Variants in TNRC6B observed in about 807,000 individuals in gnomAD.
TNRC6B encodes the protein trinucleotide repeat-containing gene 6B protein.
Under a neutral mutation model 203.6 loss-of-function variants are expected in TNRC6B, and 52 were observed. That is an observed-to-expected ratio of 0.26 (90% CI 0.20 to 0.32). The LOEUF is 0.32. Ranked by LOEUF, TNRC6B falls within the 10% of genes least tolerant of loss-of-function variation. The pLI, the probability that TNRC6B is intolerant of heterozygous loss-of-function variation, is 1.00. For missense variants in TNRC6B, 1,923 were observed against 2,286.2 expected (o/e 0.84, Z 3.24); for synonymous variants, 838 against 845.7 (o/e 0.99, Z 0.16).
At chr22:40,262,801 A>G (rs1173589282) in intron 4 of TNRC6B, among the ~76,000 whole-genome samples, 2 of 152,098 alleles carry the variant, frequency 1.3e-5, no homozygotes, top group Non-Finnish European at 2.9e-5. Context: ...GCACTTTGGG[A>G]GGCCGAGGCG....
rs375297205 is a variant in TNRC6B at position 40,275,106 on chromosome 22, T to C, written c.3141+1506T>C. 3.3e-3 allele frequency among the ~76,000 whole-genome samples: 499 copies of C among 151,526 alleles called. 8 individuals are homozygous for C. The highest frequency in any genetic ancestry group is 0.026 in the South Asian group (127 of 4,820). On this transcript the variant is annotated intron_variant, in intron 7 of 22. Coordinates refer to ENST00000454349, the MANE Select transcript of TNRC6B (RefSeq NM_001162501.2). ...ATAGGACACTAATTTTGTAGATGAC[T>C]CTTTCTTTTATAGCATAAGAATACA...
intron 1 of TNRC6B, among the ~76,000 whole-genome samples, chr22:40,230,668 T>C (rs1601904319): frequency 1.3e-5 from 2 of 152,188 alleles, no homozygotes; most frequent in African/African-American, 4.8e-5. Context: ...GATTTGCAGA[T>C]AACTTTTTCT....
At chr22:40,129,458 G>A (rs950001478) in intron 3 of TNRC6B, among the ~76,000 whole-genome samples, 3 of 152,162 alleles carry the variant, frequency 2.0e-5, no homozygotes, top group African/African-American at 7.2e-5. Context: ...TGGAAGTGGA[G>A]GAAAGACAGA....
intron 3 of TNRC6B, among the ~76,000 whole-genome samples, chr22:40,154,167 AAATAT>A (rs539652855): frequency 2.1e-3 from 312 of 152,098 alleles, no homozygotes; most frequent in African/African-American, 6.1e-3. Flanking sequence ...TTATATCTTT[AAATAT>A]AAAAGCATGG....
chr22:40,257,987 C>G (rs1344046641), intron 3 of TNRC6B, among the ~76,000 whole-genome samples: 5 of 150,532 alleles, frequency 3.3e-5, no homozygotes, highest in Non-Finnish European at 5.9e-5. Context: ...CCACTCTAGC[C>G]TGGGCAACAG....
chr22:40,095,575 C>T (rs376814158), intron 1 of TNRC6B, among the ~76,000 whole-genome samples: 36 of 151,726 alleles, frequency 2.4e-4, no homozygotes, highest in East Asian at 1.5e-3. Flanking sequence ...GCCATGATTA[C>T]GATGTAACCA....
intron 12 of TNRC6B, among the ~76,000 whole-genome samples, chr22:40,296,714 G>A (rs1192770324): frequency 2.7e-5 from 4 of 150,290 alleles, no homozygotes; most frequent in African/African-American, 9.8e-5. Flanking sequence ...TGCAACCTCC[G>A]CCACCTGGGT....
intron 1 of TNRC6B, among the ~76,000 whole-genome samples, chr22:40,180,994 A>T (rs2069122618): frequency 6.6e-6 from 1 of 152,226 alleles, no homozygotes; most frequent in Admixed American, 6.5e-5. Context: ...TGACTGAAAG[A>T]TCACAAAAAT....
intron 19 of TNRC6B, among the ~76,000 whole-genome samples, chr22:40,314,117 T>C (rs1256235938): frequency 6.6e-6 from 1 of 152,208 alleles, no homozygotes; most frequent in Non-Finnish European, 1.5e-5. Context: ...TTTCCAACAG[T>C]TGAAAATTCA....
At chr22:40,307,376 C>T (rs1156933590) in intron 15 of TNRC6B, among the ~76,000 whole-genome samples, 1 of 152,204 alleles carries the variant, frequency 6.6e-6, no homozygotes, top group Non-Finnish European at 1.5e-5. Flanking sequence ...GCTCGCCTCC[C>T]TGGGATGCCT....
At chr22:40,294,975 T>G (rs1034596454) in intron 12 of TNRC6B, among the ~76,000 whole-genome samples, 1 of 152,142 alleles carries the variant, frequency 6.6e-6, no homozygotes, top group Non-Finnish European at 1.5e-5. Flanking sequence ...GTCAAACAGA[T>G]TTTTAAATTG....
At chr22:40,075,156 A>ATATATTTT in intron 1 of TNRC6B, among the ~76,000 whole-genome samples, 7 of 35,556 alleles carry the variant, frequency 2.0e-4, no homozygotes, top group African/African-American at 4.1e-4. Context: ...ATATATATAT[A>ATATATTTT]TTTTTTTTTT....
intron 2 of TNRC6B, among the ~76,000 whole-genome samples, chr22:40,247,676 C>T (rs1186192695): frequency 2.0e-5 from 3 of 152,152 alleles, no homozygotes; most frequent in African/African-American, 7.2e-5. Flanking sequence ...GTATATTCTC[C>T]ATCACATCTT....
intron 12 of TNRC6B, among the ~76,000 whole-genome samples, chr22:40,286,527 A>G (rs774725654): frequency 1.3e-5 from 2 of 152,122 alleles, no homozygotes; most frequent in African/African-American, 2.4e-5. Context: ...ATAGAAAATG[A>G]GAATTGCCAG....
At chr22:40,178,914 G>A (rs962767057) in intron 1 of TNRC6B, among the ~76,000 whole-genome samples, 1 of 152,146 alleles carries the variant, frequency 6.6e-6, no homozygotes, top group Non-Finnish European at 1.5e-5. Flanking sequence ...GCTATTCACC[G>A]CGATTAGAAA....
At position 40,156,209 on chromosome 22, in the gene TNRC6B, T is replaced by A. The variant is rs770432163; in HGVS notation, c.113+27T>A. 13 of 1,553,232 alleles carry A rather than the reference T, an allele frequency of 8.4e-6. No individual in the cohort carries two copies. In the Admixed American group the frequency reaches 1.6e-4, roughly 19 times the overall value. On this transcript the variant is annotated intron_variant, in intron 4 of 23. Coordinates refer to the TNRC6B transcript ENST00000301923. ...TGAGTCACAGTTTATTTAAAAAGAG[T>A]CCTATTACAGATCCTCGGAAACACT...
rs58537972 is a variant in TNRC6B, at chr22:40,088,584, TTGTGTGTGTGTGTGTGTGTGTG to T, written c.-120-28445_-120-28424del. Among the ~76,000 whole-genome samples, 141 of 125,230 alleles carry T rather than the reference TTGTGTGTGTGTGTGTGTGTGTG, an allele frequency of 1.1e-3. 1 individual carries two copies. The highest frequency in any genetic ancestry group is 3.3e-3 in the African/African-American group (109 of 32,960). The allele number at this position is 125,230 out of a possible 152,430, so 82.2% of individuals were successfully genotyped here. Reference sequence around the variant, plus strand: ...CTGCCACCATGCCCGGCGGCTACTTTTGTGTGTGTGTGTGTGTGTGTGTGTGTGTGTGTGTGTGTGTGTGTGT... The same window carrying T: ...CTGCCACCATGCCCGGCGGCTACTTTTGTGTGTGTGTGTGTGTGTGTGTGT... On this transcript the variant is annotated intron_variant, in intron 1 of 23. Transcript: ENST00000301923.
At chr22:40,177,684 C>G (rs916204503), upstream of TNRC6B, among the ~76,000 whole-genome samples, 4 of 152,178 alleles carry the variant, frequency 2.6e-5, no homozygotes, top group African/African-American at 7.2e-5. Context: ...TTTCTATAAA[C>G]CAATAAAGGT....
chr22:40,113,925 G>A (rs2068364455), intron 1 of TNRC6B, among the ~76,000 whole-genome samples: 1 of 152,134 alleles, frequency 6.6e-6, no homozygotes, highest in Non-Finnish European at 1.5e-5. Context: ...AATGTAGGCA[G>A]ACAGGGTTTT....
Sources: gnomAD v4.1 joint callset for allele counts (sites outside exome capture counted in the v4.1 genomes callset) on GRCh38, gnomAD v4.1.1 for gene constraint, MANE v1.5 for transcripts, NCBI Gene and HGNC (gene_info 2026-07-23, HGNC 2026-07-21) for gene names.